Variants in TGM4 observed in about 807,000 individuals in gnomAD.
TGM4 encodes transglutaminase 4.
A neutral mutation model predicts 76.3 loss-of-function variants in TGM4; 61 were observed. The observed-to-expected ratio is 0.80, with a 90% CI of 0.65 to 0.99. The LOEUF (loss-of-function observed/expected upper bound fraction) is 0.99, where lower values mean the gene tolerates loss of function less well. TGM4 is among the 50% of genes least tolerant of loss of function. The pLI, the probability that TGM4 is intolerant of heterozygous loss-of-function variation, is 0.00. For missense variants in TGM4, 794 were observed against 843.2 expected (o/e 0.94, Z 0.72); for synonymous variants, 337 against 329.8 (o/e 1.02, Z -0.24).
At chr3:44,900,235 G>A (rs1211385168) in intron 6 of TGM4, among the ~76,000 whole-genome samples, 2 of 152,232 alleles carry the variant, frequency 1.3e-5, no homozygotes, top group African/African-American at 2.4e-5. Flanking sequence ...AATTTCGCAG[G>A]AGGACGCAGC....
intron 1 of TGM4, among the ~76,000 whole-genome samples, chr3:44,878,141 A>G (rs551167876): frequency 6.6e-6 from 1 of 151,944 alleles, no homozygotes; most frequent in South Asian, 2.1e-4. Context: ...ACAGAATGAG[A>G]CTCTGTCTCA....
chr3:44,890,549 A>C, intron 3 of TGM4, 54 bp from the exon 4 acceptor site: 1 of 1,595,064 alleles, frequency 6.3e-7, no homozygotes, highest in Non-Finnish European at 8.5e-7. Flanking sequence ...CATTTGTAAG[A>C]TTTGGGATCT....
At position 44,885,382 on chromosome 3, in the gene TGM4, C is replaced by A. The variant is rs1559610462; in HGVS notation, c.77C>A (p.Thr26Lys). The change falls in exon 2 of 14, where the codon ACA becomes AAA. Residue 26 changes from threonine (T) to lysine (K), a missense_variant. Physicochemically the swap from Thr to Lys is moderately conservative, Grantham distance 78 (BLOSUM62 -1). Coordinates refer to ENST00000296125, the MANE Select transcript of TGM4 (RefSeq NM_003241.4). ...CAGGACAACGCCGTTTCTCACCACA[C>A]ATGGGAGTTCCAAACGAGCAGTCCT... ...LNQDNAVSHHTWEFQTSSPVF... is the reference protein window; with the variant it reads ...LNQDNAVSHHKWEFQTSSPVF... The A allele has an allele frequency of 2.5e-6, 4 of 1,614,074 alleles. No individual in the cohort carries two copies. Among genetic ancestry groups the A allele is most frequent in the Non-Finnish European group, 3.4e-6 (4 of 1,179,970 alleles).
At chr3:44,904,050 T>C (rs113301137) in intron 9 of TGM4, 63 bp downstream of exon 9, 1 of 1,465,812 alleles carries the variant, frequency 6.8e-7, no homozygotes, top group South Asian at 1.1e-5. Context: ...CCCAGGGTTC[T>C]GTGGGTCTTG....
At chr3:44,884,855 C>T (rs888387596) in intron 1 of TGM4, among the ~76,000 whole-genome samples, 2 of 152,076 alleles carry the variant, frequency 1.3e-5, no homozygotes, top group Admixed American at 6.5e-5. Flanking sequence ...CATCTGTTCC[C>T]TCCTCAGTTT....
chr3:44,906,284 T>G (rs1049459223), intron 9 of TGM4, among the ~76,000 whole-genome samples: 5 of 152,286 alleles, frequency 3.3e-5, no homozygotes, highest in African/African-American at 1.2e-4. Context: ...AAACCAAAGC[T>G]ACTACTGAGG....
intron 8 of TGM4, among the ~76,000 whole-genome samples, chr3:44,902,665 T>C (rs1290466096): frequency 2.3e-5 from 1 of 43,860 alleles, no homozygotes; most frequent in African/African-American, 9.3e-5. Flanking sequence ...AGCTTTTGCC[T>C]CTACAGGGGA....
intron 6 of TGM4, among the ~76,000 whole-genome samples, chr3:44,897,395 C>T (rs965200404): frequency 6.6e-6 from 1 of 152,228 alleles, no homozygotes; most frequent in Non-Finnish European, 1.5e-5. Context: ...CTCAGTTTCC[C>T]CCATCTGCAA....
chr3:44,902,662 GC>G, intron 8 of TGM4, among the ~76,000 whole-genome samples: 1 of 116,046 alleles, frequency 8.6e-6, no homozygotes, highest in Non-Finnish European at 1.8e-5. Flanking sequence ...TGGAGCTTTT[GC>G]CTCTACAGGG....
In TGM4 at chr3:44,903,981, A is replaced by G. The variant is rs139043512; in HGVS notation, c.1069A>G (p.Ser357Gly). 118 of 1,613,688 alleles carry G rather than the reference A, an allele frequency of 7.3e-5. No individual in the cohort carries two copies. The highest frequency in any genetic ancestry group is 9.3e-5 in the Non-Finnish European group (110 of 1,180,000). The change falls in exon 9 of 14, where the codon AGC (serine) becomes GGC (glycine). Residue 357 changes from serine to glycine, a missense_variant. Ser to Gly is a moderately conservative substitution (Grantham distance 56). Coordinates refer to ENST00000296125, the MANE Select transcript of TGM4 (RefSeq NM_003241.4). ...QAVDATPQER[S>G]QGVFCCGPSP... Reference sequence around the variant, plus strand: ...TGTGGACGCAACGCCGCAGGAGCGAAGCCAGGGTGAGTGGGTGGCAGGAAG... The same window carrying G: ...TGTGGACGCAACGCCGCAGGAGCGAGGCCAGGGTGAGTGGGTGGCAGGAAG...
rs1226994131 is a variant in TGM4 at position 44,906,934 on chromosome 3, CT to C, written c.1076-14del. 6 of 1,611,294 alleles carry C rather than the reference CT, an allele frequency of 3.7e-6. No individual in the cohort carries two copies. The highest frequency in any genetic ancestry group is 1.8e-4 in the Middle Eastern group (1 of 5,674). ...GGAACCCCACTGAGAGTGACCACCC[CT>C]GGCTTCCCCTCAGGTGTCTTCTGCT... is the stretch of plus-strand genomic sequence containing the variant. On this transcript the variant is annotated splice_polypyrimidine_tract_variant and intron_variant, in intron 9 of 13. Transcript: ENST00000296125.
intron 3 of TGM4, chr3:44,890,379 A>G (rs913062217): frequency 1.9e-6 from 1 of 515,172 alleles, no homozygotes; most frequent in African/African-American, 1.9e-5. Context: ...GGCCCTTGCA[A>G]GACGTGCCAA....
chr3:44,910,412 T>G (rs1415919630), intron 11 of TGM4, 44 bp downstream of exon 11: 3 of 1,584,380 alleles, frequency 1.9e-6, no homozygotes. Flanking sequence ...GGGCTCAGGG[T>G]CCCACAATCT....
chr3:44,908,496 C>G (rs1047202810), intron 10 of TGM4, among the ~76,000 whole-genome samples: 2 of 151,870 alleles, frequency 1.3e-5, no homozygotes, highest in African/African-American at 4.8e-5. Context: ...AACTGCTACA[C>G]TTGATGGTGT....
In TGM4 at chr3:44,903,128, C is replaced by A. The variant is rs534402783; in HGVS notation, c.972-756C>A. Among the ~76,000 whole-genome samples, 52 of 152,296 alleles carry A rather than the reference C, an allele frequency of 3.4e-4. 2 individuals carry two copies. In the South Asian group the frequency reaches 1.0e-2, roughly 29 times the overall value. On this transcript the variant is annotated intron_variant, in intron 8 of 13. Transcript: ENST00000296125. ...AGGTCCACTCATAGGCAGATTTTTT[C>A]AACTGAGTACAGGTGTATTTGTGGG...
chr3:44,890,069 T>C (rs1699668279), intron 3 of TGM4, among the ~76,000 whole-genome samples: 2 of 152,060 alleles, frequency 1.3e-5, no homozygotes, highest in South Asian at 2.1e-4. Context: ...GAAACTGCCT[T>C]ATAAAACCAT....
intron 1 of TGM4, among the ~76,000 whole-genome samples, chr3:44,880,854 T>TA (rs1299956013): frequency 6.6e-6 from 1 of 152,236 alleles, no homozygotes; most frequent in Non-Finnish European, 1.5e-5. Flanking sequence ...AATATTTTAA[T>TA]ACAACCTAAC....
intron 8 of TGM4, 144 bp from the exon 9 acceptor site, chr3:44,903,740 C>T: frequency 1.3e-6 from 1 of 749,502 alleles, no homozygotes; most frequent in East Asian, 2.5e-5. Context: ...CCTTCCTTGC[C>T]AGTGTTGACA....
At chr3:44,900,120 C>G (rs1448969673) in intron 6 of TGM4, among the ~76,000 whole-genome samples, 2 of 152,102 alleles carry the variant, frequency 1.3e-5, no homozygotes, top group African/African-American at 4.8e-5. Context: ...GTCCTGATGT[C>G]CTTTGGGCTC....
Sources: gnomAD v4.1 joint callset for allele counts (sites outside exome capture counted in the v4.1 genomes callset) on GRCh38, gnomAD v4.1.1 for gene constraint, MANE v1.5 for transcripts, NCBI Gene and HGNC (gene_info 2026-07-23, HGNC 2026-07-21) for gene names.